The following ABCC10 variants were observed in gnomAD, a reference collection of about 807,000 sequenced individuals.
ABCC10 encodes ATP binding cassette subfamily C member 10, also known as ATP-binding cassette sub-family C member 10.
Under a neutral mutation model 143.2 loss-of-function variants are expected in ABCC10, and 110 were observed. The observed-to-expected ratio is 0.77, with a 90% CI of 0.66 to 0.90. The LOEUF is 0.90. Among genes scored for constraint, ABCC10 ranks in the 40% least tolerant of loss-of-function variants. The pLI is 0.00. For missense variants in ABCC10, 1,700 were observed against 1,900.5 expected, an observed-to-expected ratio of 0.89 and a Z score of 1.96; for synonymous variants, 805 against 846.7, an observed-to-expected ratio of 0.95 and a Z score of 0.85.
rs928359093 is a variant in ABCC10 at position 43,432,041 on chromosome 6, G to A, written c.162-101G>A. 47 of 1,517,380 alleles carry A rather than the reference G, an allele frequency of 3.1e-5. No homozygotes were observed. The African/African-American group carries it at 5.7e-4, about 18-fold the overall frequency. 94.0% of individuals were successfully genotyped at this position (1,517,380 alleles called of 1,614,324 possible). On this transcript the variant is annotated intron_variant, in intron 2 of 21. Transcript: ENST00000372530. ...AGGGATAAGATGTGCAAGGCAGGAA[G>A]GGAGTTGATTCCTTAGGTAAGTGAA...
chr6:43,433,305 C>T lies in ABCC10; in HGVS notation c.1325C>T (p.Thr442Ile). Reference protein sequence around the residue: ...LLVPVNKVIATRIMASNQEML... With the variant: ...LLVPVNKVIAIRIMASNQEML... ...GTACCCGTCAACAAAGTGATTGCCA[C>T]CCGCATCATGGCCAGCAACCAGGAA... Residue 442 changes from threonine to isoleucine, a missense_variant, in exon 3 of 22, where the codon ACC becomes ATC. By Grantham distance (89) the Thr-to-Ile change is moderately conservative (BLOSUM62 -1). Coordinates refer to ENST00000372530, the MANE Select transcript of ABCC10 (RefSeq NM_001198934.2). 3 of 1,614,088 alleles carry T rather than the reference C, an allele frequency of 1.9e-6. No homozygotes were observed. Among genetic ancestry groups the T allele is most frequent in the Non-Finnish European group, 2.5e-6 (3 of 1,179,928 alleles).
Position 43,433,244 on chromosome 6 carries a change from G to C in ABCC10, c.1264G>C (p.Ala422Pro), listed in dbSNP as rs777460461. ...CCTGCTGTACCAGCAGGTAGGCGTG[G>C]CCTTCGTGGGTGGTCTCATCTTGGC... ...LYLLYQQVGV[A>P]FVGGLILALL... Residue 422 changes from alanine (A) to proline (P), a missense_variant, in exon 3 of 22, where the codon GCC becomes CCC. By Grantham distance (27) the Ala-to-Pro change is conservative. Coordinates refer to ENST00000372530, the MANE Select transcript of ABCC10 (RefSeq NM_001198934.2). The C allele has an allele frequency of 2.7e-5, 44 of 1,614,086 alleles. No homozygotes were observed. The highest frequency in any genetic ancestry group is 1.7e-5 in the Admixed American group (1 of 60,010).
At chr6:43,451,287 T>A, downstream of ABCC10, 2 of 1,610,820 alleles carry the variant, frequency 1.2e-6, no homozygotes, top group Non-Finnish European at 1.7e-6. The surrounding 1 kb of genome is among the most constrained non-coding windows in gnomAD (Gnocchi z 4.4). Flanking sequence ...GTGGTAGGGG[T>A]GAGAGAGGAC....
chr6:43,449,793 C>T (rs1783568339), intron 21 of ABCC10, 136 bp from the exon 22 acceptor site: 1 of 1,119,718 alleles, frequency 8.9e-7, no homozygotes, highest in Non-Finnish European at 1.3e-6. Flanking sequence ...AGTCCCTTCC[C>T]CAGCACCAAG....
intron 9 of ABCC10, 134 bp from the exon 10 acceptor site, chr6:43,442,836 A>T: frequency 1.3e-6 from 1 of 750,034 alleles, no homozygotes. Context: ...GTCCACCCTC[A>T]GGTCTCACCT....
chr6:43,432,786 AGG>A lies in ABCC10; in HGVS notation c.810_811del (p.Ala271ThrfsTer76). 1.9e-6 allele frequency: 3 copies of A among 1,613,654 alleles called. No homozygotes were observed. The highest frequency in any genetic ancestry group is 2.5e-6 in the Non-Finnish European group (3 of 1,179,950). On this transcript the variant is annotated frameshift_variant, in exon 3 of 22. Coordinates refer to ENST00000372530, the MANE Select transcript of ABCC10 (RefSeq NM_001198934.2). LOFTEE classifies it high-confidence loss of function. ...CGTGTCTTCCAGGCACACTGGCAGG[AGG>A]GGGCACGGCTGTGGAGGGCCTTGTA...
intron 4 of ABCC10, 31 bp downstream of exon 4, chr6:43,434,879 C>A: frequency 6.2e-7 from 1 of 1,601,776 alleles, no homozygotes; most frequent in Non-Finnish European, 8.6e-7. Context: ...GGACCAGCAT[C>A]AAGGAGACTT....
Position 43,433,195 on chromosome 6 carries a change from C to G in ABCC10, c.1215C>G (p.Pro405=), listed in dbSNP as rs1222024190. The G allele has an allele frequency of 2.5e-6, 4 of 1,614,018 alleles. No individual in the cohort carries two copies. The highest frequency in any genetic ancestry group is 3.4e-6 in the Non-Finnish European group (4 of 1,179,996). The change falls in exon 3 of 22, where the codon CCC becomes CCG. Residue 405 remains proline (P), a synonymous_variant. Coordinates refer to ENST00000372530, the MANE Select transcript of ABCC10 (RefSeq NM_001198934.2). ...GCTTCCATGAAGCCTGGGGCCTGCC[C>G]CTGCAACTGGCCATCACCCTCTACC... ...AGSFHEAWGL[P]LQLAITLYLL...
At chr6:43,429,017 A>G (rs1261872300) in intron 2 of ABCC10, among the ~76,000 whole-genome samples, 1 of 152,208 alleles carries the variant, frequency 6.6e-6, no homozygotes, top group Admixed American at 6.5e-5. Context: ...CAAGGAAGGG[A>G]TTCATCCGCC....
chr6:43,436,306 T>A (rs1372519477), intron 6 of ABCC10, 59 bp downstream of exon 6: 13 of 1,575,742 alleles, frequency 8.3e-6, no homozygotes, highest in African/African-American at 4.1e-5. Context: ...TGGGAACTCA[T>A]GTCAGAGAAG....
rs963959663 is a variant in ABCC10 at position 43,448,133 on chromosome 6, A to G, written c.3959+196A>G. 16 of 879,116 alleles carry G rather than the reference A, an allele frequency of 1.8e-5. No individual in the cohort carries two copies. The East Asian group carries it at 4.0e-4, about 22-fold the overall frequency. The allele number at this position is 879,116 out of a possible 1,614,324, so 54.5% of individuals were successfully genotyped here. A position where few individuals can be genotyped will look rare whatever the true frequency, so the allele number is the denominator to read the frequency against. On this transcript the variant is annotated intron_variant, in intron 18 of 21. Coordinates refer to ENST00000372530, the MANE Select transcript of ABCC10 (RefSeq NM_001198934.2). ...TCCAGATTCATGGCTGGTGATCTCAAGGTCTTCCTCGCCCTGACCCAGGCC... is the reference window on the plus strand; with the variant it reads ...TCCAGATTCATGGCTGGTGATCTCAGGGTCTTCCTCGCCCTGACCCAGGCC...
rs557106388 is a variant in ABCC10 at position 43,434,413 on chromosome 6, G to A, written c.1381-208G>A. 2.2e-5 allele frequency: 12 copies of A among 534,700 alleles called. No homozygotes were observed. In the East Asian group the frequency reaches 3.6e-4, roughly 16 times the overall value. 33.1% of individuals were successfully genotyped at this position (534,700 alleles called of 1,614,324 possible). A position where few individuals can be genotyped will look rare whatever the true frequency, so the allele number is the denominator to read the frequency against. On this transcript the variant is annotated intron_variant, in intron 3 of 21. Transcript: ENST00000372530. ...CAAATGGAGAAGTAAGAGACTGGGA[G>A]GGGAAGCAACCCAGGGCTGAAAAGG... is the stretch of plus-strand genomic sequence containing the variant.
intron 16 of ABCC10, chr6:43,446,656 G>C: frequency 1.0e-6 from 1 of 985,304 alleles, no homozygotes; most frequent in Non-Finnish European, 1.2e-6. Context: ...TTGGGGACTA[G>C]AATGAGTCTT....
At chr6:43,446,226 G>A in intron 15 of ABCC10, 51 bp from the exon 16 acceptor site, 2 of 1,578,012 alleles carry the variant, frequency 1.3e-6, no homozygotes, top group Non-Finnish European at 8.6e-7. Context: ...CTGAGGCTGG[G>A]TGGCTCAGGG....
chr6:43,445,902 G>A lies in ABCC10; in HGVS notation c.3334G>A (p.Ala1112Thr), dbSNP rs775088605. The change falls in exon 15 of 22, where the codon GCT (alanine) becomes ACT (threonine). Residue 1112 changes from alanine to threonine, a missense_variant. By Grantham distance (58) the Ala-to-Thr change is moderately conservative. Coordinates refer to ENST00000372530, the MANE Select transcript of ABCC10 (RefSeq NM_001198934.2). ...PLYSHLADTL[A>T]GLSVLRATGA... The stretch of plus-strand genomic sequence containing the variant: ...GTATAGCCATCTGGCCGATACCTTG[G>A]CTGGCCTCTCTGTGCTCCGGGCCAC... 6.2e-7 allele frequency: 1 copy of A among 1,613,342 alleles called. No homozygotes were observed. The highest frequency in any genetic ancestry group is 8.5e-7 in the Non-Finnish European group (1 of 1,179,672).
chr6:43,436,112 C>T, intron 5 of ABCC10, 26 bp from the exon 6 acceptor site: 1 of 1,613,998 alleles, frequency 6.2e-7, no homozygotes, highest in Non-Finnish European at 8.5e-7. Context: ...GATTAGGAGC[C>T]CAAATCAAGT....
chr6:43,442,921 C>G (rs775089468), intron 9 of ABCC10, 49 bp from the exon 10 acceptor site: 2 of 1,473,146 alleles, frequency 1.4e-6, no homozygotes, highest in Non-Finnish European at 1.8e-6. Flanking sequence ...AGATCTTCTC[C>G]GGAGAGCCTT....
Position 43,445,942 on chromosome 6 carries a change from G to T in ABCC10, c.3374G>T (p.Arg1125Met). ...SVLRATGATY[R>M]FEEENLRLLE... is the part of the protein sequence containing the mutation. ...CTCCGGGCCACAGGGGCCACCTACA[G>T]GTGTGTGAACCAGAGCCCAGGGGGA... is the stretch of plus-strand genomic sequence containing the variant. Residue 1125 changes from arginine to methionine, a missense_variant and splice_region_variant, in exon 15 of 22, where the codon AGG becomes ATG. Transcript: ENST00000372530. 2 of 1,609,854 alleles carry T rather than the reference G, an allele frequency of 1.2e-6. No individual in the cohort carries two copies. Among genetic ancestry groups the T allele is most frequent in the Non-Finnish European group, 1.7e-6 (2 of 1,177,040 alleles).
intron 2 of ABCC10, among the ~76,000 whole-genome samples, chr6:43,431,177 AAG>A (rs965162234): frequency 1.5e-4 from 23 of 152,236 alleles, no homozygotes; most frequent in Admixed American, 5.9e-4. Context: ...AATCAGTGGA[AAG>A]AGAGTAGAAT....
Sources: gnomAD v4.1 joint callset for allele counts (sites outside exome capture counted in the v4.1 genomes callset) on GRCh38, gnomAD v4.1.1 for gene constraint, Gnocchi (gnomAD v3.1) non-coding constraint, MANE v1.5 for transcripts, NCBI Gene and HGNC (gene_info 2026-07-23, HGNC 2026-07-21) for gene names.